Variants in AKAP9 observed in about 807,000 individuals in gnomAD.
AKAP9 encodes the protein A-kinase anchoring protein 9.
Under a neutral mutation model 488.5 loss-of-function variants are expected in AKAP9, and 311 were observed. The observed-to-expected ratio is 0.64, with a 90% confidence interval of 0.58 to 0.70. The LOEUF (loss-of-function observed/expected upper bound fraction) is 0.70, where lower values mean the gene tolerates loss of function less well. Among genes scored for constraint, AKAP9 ranks in the 30% least tolerant of loss-of-function variants. AKAP9 has a pLI of 0.00. For synonymous variants in AKAP9, 1,462 were observed against 1,483.5 expected, an observed-to-expected ratio of 0.99 and a Z score of 0.33; for missense variants, 4,215 against 4,374.5, an observed-to-expected ratio of 0.96 and a Z score of 1.03.
At chr7:92,028,795 C>G (rs1234424764) in intron 14 of AKAP9, among the ~76,000 whole-genome samples, 1 of 152,096 alleles carries the variant, frequency 6.6e-6, no homozygotes, top group Non-Finnish European at 1.5e-5. Flanking sequence ...TTAAGCTTAA[C>G]AATTACTTAT....
chr7:92,096,814 TG>T lies in AKAP9; in HGVS notation c.9856del (p.Ala3286ProfsTer11). 6.2e-7 allele frequency: 1 copy of T among 1,614,202 alleles called. No homozygotes were observed. Among genetic ancestry groups the T allele is most frequent in the Non-Finnish European group, 8.5e-7 (1 of 1,180,026 alleles). On this transcript the variant is annotated frameshift_variant, in exon 41 of 50. Coordinates refer to ENST00000356239, the MANE Select transcript of AKAP9 (RefSeq NM_005751.5). LOFTEE classifies it high-confidence loss of function. The stretch of plus-strand genomic sequence containing the variant: ...TAGAATCACAGAGAATGCTATATGA[TG>T]CCCAGTTGTCAGAAGAACAAGGTCG... ...KIESQRMLYD[A>X]QLSEEQGRNL...
In AKAP9 at chr7:92,077,096, CT is replaced by C. The variant is rs36053963; in HGVS notation, c.6765+106del. 0.058 allele frequency: 14,775 copies of C among 256,710 alleles called. 3 individuals are homozygous for C. Among genetic ancestry groups the C allele is most frequent in the East Asian group, 0.091 (887 of 9,702 alleles). 15.9% of individuals were successfully genotyped at this position (256,710 alleles called of 1,614,324 possible). On this transcript the variant is annotated intron_variant, in intron 29 of 49. Transcript: ENST00000356239. ...TTATTATTATTATTATTATTTCTTT[CT>C]TTTTTTTTTTTTTTTTGAGACTTAG...
intron 12 of AKAP9, among the ~76,000 whole-genome samples, chr7:92,020,107 G>A (rs1012466127): frequency 3.9e-4 from 59 of 152,104 alleles, no homozygotes; most frequent in Admixed American, 3.2e-3. Flanking sequence ...TGCACAAGGG[G>A]TAATAAGAGG....
intron 21 of AKAP9, among the ~76,000 whole-genome samples, chr7:92,046,087 G>C (rs1806945273): frequency 6.6e-6 from 1 of 152,044 alleles, no homozygotes; most frequent in South Asian, 2.1e-4. Context: ...CCCTGGTTTG[G>C]CCTCCCAAAG....
intron 1 of AKAP9, among the ~76,000 whole-genome samples, chr7:91,950,713 G>A (rs953783039): frequency 3.9e-5 from 6 of 152,080 alleles, no homozygotes; most frequent in Admixed American, 3.3e-4. Context: ...TAATTCTTAC[G>A]CCGTTTATAT....
At chr7:92,034,526 G>T (rs1366279291) in intron 16 of AKAP9, among the ~76,000 whole-genome samples, 3 of 120,890 alleles carry the variant, frequency 2.5e-5, no homozygotes, top group Non-Finnish European at 3.3e-5. Context: ...TTTTGAGATG[G>T]AGTTTCACTC....
intron 1 of AKAP9, among the ~76,000 whole-genome samples, chr7:91,952,799 T>C: frequency 6.6e-6 from 1 of 152,154 alleles, no homozygotes; most frequent in South Asian, 2.1e-4. Context: ...TGTGGGGATC[T>C]ATTAATGAGG....
chr7:92,081,033 CT>C (rs1269338487), intron 31 of AKAP9, among the ~76,000 whole-genome samples: 1 of 152,022 alleles, frequency 6.6e-6, no homozygotes, highest in African/African-American at 2.4e-5. Context: ...ATTTTATGGT[CT>C]TTAAATATGA....
chr7:91,985,794 C>T (rs950591292), intron 3 of AKAP9, among the ~76,000 whole-genome samples: 10 of 152,064 alleles, frequency 6.6e-5, no homozygotes, highest in South Asian at 2.1e-4. Context: ...ACTACAGGCG[C>T]GTGCCACCAT....
Position 92,001,717 on chromosome 7 carries a change from T to C in AKAP9, c.1800T>C (p.Leu600=). The C allele has an allele frequency of 6.2e-7, 1 of 1,612,482 alleles. No individual in the cohort carries two copies. The highest frequency in any genetic ancestry group is 8.5e-7 in the Non-Finnish European group (1 of 1,179,610). ...EAEVTNYKIK[L]EMLEKEKNAV... is the part of the protein sequence containing the mutation. ...AAGTTACAAATTACAAGATAAAACT[T>C]GAAATGTTAGAAAAAGAAAAGAATG... The change falls in exon 8 of 50, where the codon CTT becomes CTC. Residue 600 remains leucine, a synonymous_variant. Transcript: ENST00000356239.
chr7:92,045,496 C>T (rs925165583), intron 21 of AKAP9, among the ~76,000 whole-genome samples: 4 of 152,082 alleles, frequency 2.6e-5, no homozygotes. Flanking sequence ...ATTTATATAT[C>T]AGCACTTAGT....
intron 3 of AKAP9, among the ~76,000 whole-genome samples, chr7:91,988,216 G>A (rs1797335744): frequency 7.3e-6 from 1 of 136,274 alleles, no homozygotes; most frequent in African/African-American, 2.8e-5. Flanking sequence ...GTAAGAATAA[G>A]TATCTTTCCA....
At chr7:91,976,813 C>G (rs1207004897) in intron 2 of AKAP9, among the ~76,000 whole-genome samples, 6 of 152,032 alleles carry the variant, frequency 3.9e-5, no homozygotes, top group African/African-American at 1.2e-4. Context: ...CTTTTCAATT[C>G]CAGAATTTTT....
intron 32 of AKAP9, 121 bp from the exon 33 acceptor site, chr7:92,083,049 C>A: frequency 8.5e-7 from 1 of 1,181,798 alleles, no homozygotes; most frequent in Non-Finnish European, 1.2e-6. Flanking sequence ...GTTTTTCCTA[C>A]TACTCTGAGG....
intron 20 of AKAP9, among the ~76,000 whole-genome samples, chr7:92,043,585 T>G (rs1806480831): frequency 6.6e-6 from 1 of 152,204 alleles, no homozygotes. Flanking sequence ...CACATTATTC[T>G]AGTTCTGGGG....
intron 21 of AKAP9, among the ~76,000 whole-genome samples, chr7:92,047,303 A>T (rs1426968138): frequency 6.6e-6 from 1 of 151,188 alleles, no homozygotes; most frequent in African/African-American, 2.4e-5. Flanking sequence ...TGCAACCTCC[A>T]CCTCCTGGGT....
chr7:92,014,506 A>G (rs926154614), intron 10 of AKAP9, among the ~76,000 whole-genome samples, 178 bp downstream of exon 10: 34 of 152,112 alleles, frequency 2.2e-4, no homozygotes, highest in African/African-American at 7.7e-4. Flanking sequence ...GTGTGTGCCT[A>G]TAGTCCCAGC....
In AKAP9 at chr7:91,962,811, T is replaced by G. The variant is rs185976473; in HGVS notation, c.49-10900T>G. On this transcript the variant is annotated intron_variant, in intron 1 of 49. Transcript: ENST00000356239. ...ATTTGGGTTCATTTAGTAATGAATA[T>G]TATTGTTTCAGATTTTTAATCGAAC... Among the ~76,000 whole-genome samples, 5 of 148,194 alleles carry G rather than the reference T, an allele frequency of 3.4e-5. No individual in the cohort carries two copies. In the East Asian group the frequency reaches 9.7e-4, roughly 29 times the overall value.
rs1334953177 is a variant in AKAP9, at chr7:92,002,276, C to CT, written c.2361dup (p.Glu788Ter). On this transcript the variant is annotated frameshift_variant, in exon 8 of 50. Coordinates refer to ENST00000356239, the MANE Select transcript of AKAP9 (RefSeq NM_005751.5). LOFTEE classifies it high-confidence loss of function. ...CATTCTTAAAGATGAAAAGAAAACC[C>CT]TTGAAGACATGTTGAAAATACATAC... 3 of 1,610,402 alleles carry CT rather than the reference C, an allele frequency of 1.9e-6. No homozygotes were observed. Among genetic ancestry groups the CT allele is most frequent in the Non-Finnish European group, 2.5e-6 (3 of 1,178,762 alleles).
Sources: allele counts gnomAD v4.1 joint callset (sites outside exome capture counted in the v4.1 genomes callset), GRCh38; gene constraint gnomAD v4.1.1; transcripts MANE v1.5; gene names NCBI Gene and HGNC (gene_info 2026-07-23, HGNC 2026-07-21).